Variants in NAALADL2 observed in about 807,000 individuals in gnomAD.
NAALADL2 encodes N-acetylated alpha-linked acidic dipeptidase like 2.
A neutral mutation model predicts 87.2 loss-of-function variants in NAALADL2; 76 were observed. The ratio of observed to expected loss-of-function variants is 0.87; its 90% CI spans 0.72 to 1.05. The LOEUF (loss-of-function observed/expected upper bound fraction) is 1.05, where lower values mean the gene tolerates loss of function less well. NAALADL2 is among the 50% of genes least tolerant of loss of function. The pLI, the probability that NAALADL2 is intolerant of heterozygous loss-of-function variation, is 0.00. For missense variants in NAALADL2, 1,089 were observed against 945.8 expected (o/e 1.15, Z -1.99); for synonymous variants, 354 against 331.0 (o/e 1.07, Z -0.75).
rs538943279 is a variant in NAALADL2, at chr3:175,504,719, G to A, written c.1653+32961G>A. Among the ~76,000 whole-genome samples, 961 of 151,942 alleles carry A rather than the reference G, an allele frequency of 6.3e-3. 7 individuals carry two copies. The highest frequency in any genetic ancestry group is 9.3e-3 in the Non-Finnish European group (632 of 67,994). On this transcript the variant is annotated intron_variant, in intron 9 of 13. Coordinates refer to ENST00000454872, the MANE Select transcript of NAALADL2 (RefSeq NM_207015.3). ...ATTTTTCTGTTGTTTAATCTACTCA[G>A]TTTATGAAATTTTGTTATGGCGTCC...
chr3:175,096,855 G>C lies in NAALADL2; in HGVS notation c.109G>C (p.Asp37His). Residue 37 changes from aspartate (D) to histidine (H), a missense_variant, in exon 2 of 14, where the codon GAC becomes CAC. Coordinates refer to ENST00000454872, the MANE Select transcript of NAALADL2 (RefSeq NM_207015.3). Reference sequence around the variant, plus strand: ...AGCTCCAGGACACTCACAGTACTTAGACAATGATGACCTTCAAGCCACTGC... The same window carrying C: ...AGCTCCAGGACACTCACAGTACTTACACAATGATGACCTTCAAGCCACTGC... ...QRAPGHSQYL[D>H]NDDLQATALD... The C allele has an allele frequency of 6.2e-7, 1 of 1,611,918 alleles. No homozygotes were observed. The highest frequency in any genetic ancestry group is 8.5e-7 in the Non-Finnish European group (1 of 1,178,894).
At chr3:175,377,020 T>G (rs62287972) in intron 5 of NAALADL2, among the ~76,000 whole-genome samples, 1 of 64,598 alleles carries the variant, frequency 1.5e-5, no homozygotes, top group Admixed American at 1.6e-4. Flanking sequence ...AAAAAAAAAT[T>G]ATTGAATTTA....
rs143573547 is a variant in NAALADL2 at position 175,445,193 on chromosome 3, A to G, written c.1091-2036A>G. ...GTAAAAATATATAAACTGAATAAGT[A>G]TTCGTTATTTCCTTAAGCATAGTTT... On this transcript the variant is annotated intron_variant, in intron 5 of 13. Transcript: ENST00000454872. 2.4e-3 allele frequency among the ~76,000 whole-genome samples: 362 copies of G among 152,294 alleles called. 6 individuals are homozygous for G. Among genetic ancestry groups the G allele is most frequent in the Admixed American group, 0.023 (348 of 15,296 alleles).
At chr3:175,800,519 A>T (rs950638988) in intron 13 of NAALADL2, among the ~76,000 whole-genome samples, 7 of 152,094 alleles carry the variant, frequency 4.6e-5, no homozygotes, top group Non-Finnish European at 4.4e-5. Flanking sequence ...GAACAAAATC[A>T]TTGAAATAAT....
At chr3:175,626,723 A>G (rs529263117) in intron 10 of NAALADL2, among the ~76,000 whole-genome samples, 3 of 151,848 alleles carry the variant, frequency 2.0e-5, no homozygotes, top group Non-Finnish European at 2.9e-5. Flanking sequence ...TGACAATTCC[A>G]TCTATAACAT....
At chr3:174,715,452 G>C (rs1050086788) in intron 2 of NAALADL2, among the ~76,000 whole-genome samples, 1 of 152,082 alleles carries the variant, frequency 6.6e-6, no homozygotes, top group Non-Finnish European at 1.5e-5. Context: ...TAATACTGGT[G>C]GTAGACTCAC....
chr3:175,212,669 C>T (rs750843209), intron 2 of NAALADL2, among the ~76,000 whole-genome samples: 3 of 150,908 alleles, frequency 2.0e-5, no homozygotes, highest in Non-Finnish European at 4.4e-5. Flanking sequence ...CTCTGTTTTC[C>T]TTGTTCTCTT....
intron 2 of NAALADL2, among the ~76,000 whole-genome samples, chr3:175,160,798 C>T (rs1047994181): frequency 3.9e-5 from 6 of 152,084 alleles, no homozygotes; most frequent in South Asian, 2.1e-4. Context: ...TTCACCATTT[C>T]GGGAGATATC....
chr3:175,154,002 C>T (rs991582911), intron 2 of NAALADL2, among the ~76,000 whole-genome samples: 1 of 152,150 alleles, frequency 6.6e-6, no homozygotes, highest in Non-Finnish European at 1.5e-5. Context: ...AAAAAATTCT[C>T]ATCTTTTTCC....
chr3:174,580,282 A>T (rs1716017938), intron 2 of NAALADL2, among the ~76,000 whole-genome samples: 1 of 152,080 alleles, frequency 6.6e-6, no homozygotes, highest in Non-Finnish European at 1.5e-5. Flanking sequence ...AAAGGCTATT[A>T]GTTCTTAATA....
intron 2 of NAALADL2, among the ~76,000 whole-genome samples, chr3:175,222,843 T>G (rs1413163440): frequency 6.6e-6 from 1 of 152,140 alleles, no homozygotes; most frequent in African/African-American, 2.4e-5. Context: ...GAAAAAACAT[T>G]TAGAGAGAAG....
intron 3 of NAALADL2, among the ~76,000 whole-genome samples, chr3:174,804,860 T>TA (rs1560241041): frequency 6.6e-6 from 1 of 152,182 alleles, no homozygotes; most frequent in Non-Finnish European, 1.5e-5. Context: ...TATTTATTAG[T>TA]AAAATTAAAC....
At chr3:174,452,009 AT>A (rs34944717) in intron 1 of NAALADL2, among the ~76,000 whole-genome samples, 41,121 of 148,676 alleles carry the variant, frequency 0.28, 5,992 homozygotes, top group South Asian at 0.45. Flanking sequence ...TGCCTGGCTA[AT>A]TTTTTTTTTT....
At chr3:175,356,833 C>A (rs1764432790) in intron 5 of NAALADL2, among the ~76,000 whole-genome samples, 1 of 151,978 alleles carries the variant, frequency 6.6e-6, no homozygotes, top group African/African-American at 2.4e-5. Context: ...GGTGTAAGTT[C>A]TTGGCCAAGC....
Position 175,234,034 on chromosome 3 carries a change from T to C in NAALADL2, c.649T>C (p.Tyr217His), listed in dbSNP as rs1160559326. 1 of 1,613,932 alleles carries C rather than the reference T, an allele frequency of 6.2e-7. No individual in the cohort carries two copies. Among genetic ancestry groups the C allele is most frequent in the Admixed American group, 1.7e-5 (1 of 60,006 alleles). Residue 217 changes from tyrosine (Y) to histidine (H), a missense_variant, in exon 3 of 14, where the codon TAC becomes CAC. Coordinates refer to ENST00000454872, the MANE Select transcript of NAALADL2 (RefSeq NM_207015.3). Reference protein sequence around the residue: ...LGLEDVQFVNYSVLLDLPGPS... With the variant: ...LGLEDVQFVNHSVLLDLPGPS... ...CCTAGAAGATGTACAGTTTGTAAAT[T>C]ACTCTGTGCTGCTTGATCTGCCAGG...
chr3:175,490,581 G>T (rs139897768), intron 9 of NAALADL2, among the ~76,000 whole-genome samples: 1 of 146,582 alleles, frequency 6.8e-6, no homozygotes, highest in Non-Finnish European at 1.5e-5. Flanking sequence ...ATTTTTACTA[G>T]AGACATGGTT....
chr3:175,795,986 C>A (rs1198865302), intron 13 of NAALADL2, among the ~76,000 whole-genome samples: 2 of 151,522 alleles, frequency 1.3e-5, no homozygotes, highest in African/African-American at 4.9e-5. Context: ...CCTCTACTGA[C>A]CAGATCCTTG....
intron 5 of NAALADL2, among the ~76,000 whole-genome samples, chr3:175,384,466 G>C (rs1046712641): frequency 6.6e-6 from 1 of 151,852 alleles, no homozygotes; most frequent in African/African-American, 2.4e-5. Flanking sequence ...AATACTTTCG[G>C]TTCTTTGATT....
intron 2 of NAALADL2, among the ~76,000 whole-genome samples, chr3:174,582,612 C>T (rs1000736047): frequency 5.3e-5 from 8 of 152,062 alleles, no homozygotes; most frequent in Non-Finnish European, 1.0e-4. Context: ...AATGGAGTCT[C>T]ACTTTGTTGC....
Sources: allele counts gnomAD v4.1 joint callset (sites outside exome capture counted in the v4.1 genomes callset), GRCh38; gene constraint gnomAD v4.1.1; transcripts MANE v1.5; gene names NCBI Gene and HGNC (gene_info 2026-07-23, HGNC 2026-07-21).